Variants in TRAPPC9 observed in about 807,000 individuals in gnomAD.
The protein encoded by TRAPPC9 is IKK2 binding protein.
In TRAPPC9, 83 loss-of-function variants were observed where a neutral mutation model predicts 124.0. That is an observed-to-expected ratio of 0.67 (90% CI 0.56 to 0.80). TRAPPC9 has a LOEUF of 0.80. Ranked by LOEUF, TRAPPC9 falls within the 30% of genes least tolerant of loss-of-function variation. TRAPPC9 has a pLI of 0.00. For missense variants in TRAPPC9, 1,302 were observed against 1,508.3 expected, an observed-to-expected ratio of 0.86 and a Z score of 2.27; for synonymous variants, 638 against 617.5, an observed-to-expected ratio of 1.03 and a Z score of -0.49.
intron 4 of TRAPPC9, among the ~76,000 whole-genome samples, chr8:140,429,053 GTTTTT>G (rs371293221): frequency 2.0e-5 from 3 of 150,288 alleles, no homozygotes; most frequent in East Asian, 3.9e-4. Flanking sequence ...ACTGCCAGGG[GTTTTT>G]TGTTTTGTTT....
intron 16 of TRAPPC9, among the ~76,000 whole-genome samples, chr8:140,235,802 G>A (rs1221226909): frequency 6.6e-6 from 1 of 152,164 alleles, no homozygotes; most frequent in African/African-American, 2.4e-5. Context: ...AATGTCTATA[G>A]CAGCATCATT....
At chr8:140,208,059 A>C (rs1159054047) in intron 17 of TRAPPC9, among the ~76,000 whole-genome samples, 1 of 152,036 alleles carries the variant, frequency 6.6e-6, no homozygotes, top group Non-Finnish European at 1.5e-5. Context: ...CGGAGGCAGG[A>C]GAATCGCTTG....
At chr8:140,138,278 G>A (rs1382347725) in intron 17 of TRAPPC9, among the ~76,000 whole-genome samples, 4 of 152,076 alleles carry the variant, frequency 2.6e-5, no homozygotes, top group African/African-American at 9.7e-5. Flanking sequence ...CTCCAGCCTG[G>A]GCGACAGAGT....
rs202136646 is a variant in TRAPPC9 at position 140,439,158 on chromosome 8, G to A, written c.624C>T (p.His208=). ...KKRCQGRMRK[H]VGDLCLQAGM... Reference sequence around the variant, plus strand: ...CTGCCTGCAGGCACAGGTCCCCCACGTGCTTCCGCATGCGGCCTTGGCACC... The same window carrying A: ...CTGCCTGCAGGCACAGGTCCCCCACATGCTTCCGCATGCGGCCTTGGCACC... The change falls in exon 3 of 23, where the codon CAC becomes CAT. Residue 208 remains histidine, a synonymous_variant. Coordinates refer to ENST00000438773, the MANE Select transcript of TRAPPC9 (RefSeq NM_001160372.4). 81 of 1,614,148 alleles carry A rather than the reference G, an allele frequency of 5.0e-5. No individual in the cohort carries two copies. Among genetic ancestry groups the A allele is most frequent in the African/African-American group, 1.9e-4 (14 of 75,026 alleles).
At position 139,774,552 on chromosome 8, in the gene TRAPPC9, C is replaced by T. The variant is rs969466501; in HGVS notation, c.3056-42350G>A. On this transcript the variant is annotated intron_variant, in intron 21 of 22. Transcript: ENST00000438773. Reference sequence around the variant, plus strand: ...AGACCCCCTTCCCGCTGACCGCCAGCGACAGCAGCTGTGCCGCGTCCTCCC... The same window carrying T: ...AGACCCCCTTCCCGCTGACCGCCAGTGACAGCAGCTGTGCCGCGTCCTCCC... Among the ~76,000 whole-genome samples the T allele has an allele frequency of 2.6e-5, 4 of 152,278 alleles. No individual in the cohort carries two copies. The East Asian group carries it at 5.8e-4, about 22-fold the overall frequency.
chr8:140,283,353 G>A (rs1207151664), intron 14 of TRAPPC9, among the ~76,000 whole-genome samples: 42 of 134,590 alleles, frequency 3.1e-4, no homozygotes, highest in African/African-American at 1.2e-3. Flanking sequence ...GGAGTGCAGT[G>A]GCGCGATCTC....
At chr8:140,149,414 G>A (rs987650200) in intron 17 of TRAPPC9, among the ~76,000 whole-genome samples, 1 of 152,184 alleles carries the variant, frequency 6.6e-6, no homozygotes, top group African/African-American at 2.4e-5. Flanking sequence ...GAGCTCGGGA[G>A]TTCGAGACTA....
intron 17 of TRAPPC9, among the ~76,000 whole-genome samples, chr8:140,141,131 C>T (rs953807220): frequency 3.3e-5 from 5 of 152,208 alleles, no homozygotes; most frequent in African/African-American, 4.8e-5. Flanking sequence ...ATGGGGAATT[C>T]GTAAGTCTAC....
chr8:140,317,901 C>G (rs1435037470), intron 9 of TRAPPC9, among the ~76,000 whole-genome samples: 1 of 152,088 alleles, frequency 6.6e-6, no homozygotes, highest in African/African-American at 2.4e-5. Flanking sequence ...GCATTATGAT[C>G]CCCCTTTTAA....
At chr8:139,827,214 C>A (rs1240776644) in intron 21 of TRAPPC9, among the ~76,000 whole-genome samples, 2 of 152,194 alleles carry the variant, frequency 1.3e-5, no homozygotes, top group South Asian at 4.1e-4. Context: ...CAGGGCCTCG[C>A]GGCTCAGGGT....
At chr8:139,938,894 C>T (rs1833716523) in intron 19 of TRAPPC9, among the ~76,000 whole-genome samples, 1 of 152,130 alleles carries the variant, frequency 6.6e-6, no homozygotes, top group South Asian at 2.1e-4. Context: ...ATCCACCCGC[C>T]TCGGCCTCCC....
At chr8:140,439,394 C>A (rs903110770) in intron 2 of TRAPPC9, among the ~76,000 whole-genome samples, 197 bp from the exon 3 acceptor site, 26 of 152,134 alleles carry the variant, frequency 1.7e-4, no homozygotes, top group Non-Finnish European at 5.9e-5. Flanking sequence ...TACTGCCAAG[C>A]AATTTGTTTA....
At chr8:140,327,151 A>G (rs997907037) in intron 9 of TRAPPC9, among the ~76,000 whole-genome samples, 1 of 151,876 alleles carries the variant, frequency 6.6e-6, no homozygotes, top group Non-Finnish European at 1.5e-5. Flanking sequence ...TACTCGGGAG[A>G]CTGAGACAGG....
intron 17 of TRAPPC9, among the ~76,000 whole-genome samples, chr8:140,085,296 T>C (rs1231181982): frequency 2.7e-5 from 4 of 150,680 alleles, no homozygotes; most frequent in African/African-American, 4.9e-5. Context: ...ACACTTTGGG[T>C]TCCTGCTGCA....
intron 21 of TRAPPC9, among the ~76,000 whole-genome samples, chr8:139,745,291 G>A (rs547615539): frequency 6.6e-5 from 10 of 152,338 alleles, no homozygotes; most frequent in African/African-American, 1.2e-4. Flanking sequence ...GAGCCCCTTC[G>A]GAAGCCAGAG....
rs2131434149 is a variant in TRAPPC9 at position 140,241,646 on chromosome 8, G to A, written c.2431+11131C>T. ...GGAGGCAGAGGTTGCAGTGAGCTGA[G>A]ATAGTGCTACTGCACTCCAGCCTGG... On this transcript the variant is annotated intron_variant, in intron 16 of 22. Transcript: ENST00000438773. This position sits in a 1 kb window ranked among gnomAD's most constrained non-coding sequence, Gnocchi z 5.0. Among the ~76,000 whole-genome samples the A allele has an allele frequency of 6.6e-6, 1 of 152,258 alleles. No individual in the cohort carries two copies. Among genetic ancestry groups the A allele is most frequent in the South Asian group, 2.1e-4 (1 of 4,822 alleles).
chr8:140,221,007 C>T (rs866198603), intron 17 of TRAPPC9, among the ~76,000 whole-genome samples: 4 of 152,188 alleles, frequency 2.6e-5, no homozygotes, highest in African/African-American at 4.8e-5. Context: ...CCTACAAGCC[C>T]GCGGCACGTA....
chr8:140,375,195 TC>T, intron 7 of TRAPPC9, among the ~76,000 whole-genome samples: 1 of 152,216 alleles, frequency 6.6e-6, no homozygotes, highest in South Asian at 2.1e-4. Flanking sequence ...TGAGATGAAA[TC>T]CCCAAACTCA....
chr8:140,010,839 G>A (rs897021576), intron 18 of TRAPPC9, among the ~76,000 whole-genome samples: 1 of 152,124 alleles, frequency 6.6e-6, no homozygotes. Flanking sequence ...AATGTCCAAT[G>A]CAAAACTGCT....
Sources: allele counts gnomAD v4.1 joint callset (sites outside exome capture counted in the v4.1 genomes callset), GRCh38; gene constraint gnomAD v4.1.1; non-coding constraint Gnocchi (gnomAD v3.1); transcripts MANE v1.5; gene names NCBI Gene and HGNC (gene_info 2026-07-23, HGNC 2026-07-21).